Variants in ADAD1 observed in about 807,000 individuals in gnomAD.
ADAD1 encodes the protein adenosine deaminase domain containing 1.
ADAD1 carries 46 observed loss-of-function variants against 66.8 expected under a neutral mutation model. The observed-to-expected ratio is 0.69, with a 90% confidence interval of 0.54 to 0.88. ADAD1 has a LOEUF of 0.88. Among genes scored for constraint, ADAD1 ranks in the 40% least tolerant of loss-of-function variants. ADAD1 has a pLI of 0.00. For missense variants in ADAD1, 617 were observed against 681.8 expected (o/e 0.91, Z 1.06); for synonymous variants, 248 against 229.4 (o/e 1.08, Z -0.73).
intron 5 of ADAD1, among the ~76,000 whole-genome samples, chr4:122,384,974 G>T (rs923305524): frequency 6.6e-6 from 1 of 152,084 alleles, no homozygotes; most frequent in Non-Finnish European, 1.5e-5. Context: ...TCTGTCTTGG[G>T]CTAGAGCCTG....
chr4:122,390,961 T>G (rs1319179253), intron 5 of ADAD1, among the ~76,000 whole-genome samples: 2 of 152,234 alleles, frequency 1.3e-5, no homozygotes, highest in Non-Finnish European at 2.9e-5. Context: ...TTTTCAGTAT[T>G]TTTTCATTGA....
At position 122,397,768 on chromosome 4, in the gene ADAD1, T is replaced by G. The variant is rs183204263; in HGVS notation, c.724+1391T>G. 3.9e-5 allele frequency among the ~76,000 whole-genome samples: 6 copies of G among 152,266 alleles called. No homozygotes were observed. The East Asian group carries it at 1.2e-3, about 29-fold the overall frequency. On this transcript the variant is annotated intron_variant, in intron 7 of 12. Transcript: ENST00000296513. ...ATGAATAAAAAGTAATACCAACATT[T>G]AAAGTTGACGTAGGATAATCATGTT...
chr4:122,411,387 A>G lies in ADAD1; in HGVS notation c.1014A>G (p.Ser338=), dbSNP rs745819418. The G allele has an allele frequency of 2.5e-6, 4 of 1,610,648 alleles. No individual in the cohort carries two copies. In the South Asian group the frequency reaches 4.4e-5, roughly 18 times the overall value. The change falls in exon 9 of 13, where the codon TCA becomes TCG. Residue 338 remains serine (S), a synonymous_variant. Coordinates refer to ENST00000296513, the MANE Select transcript of ADAD1 (RefSeq NM_139243.4). ...CTAAAGGATCAGCCCAGATTAAGTC[A>G]CAGTTGTAAGTATTATAGAAGTTGT... ...QLPKGSAQIK[S]QLRLNPHSIS... is the part of the protein sequence containing the mutation.
chr4:122,428,662 G>C (rs914599959), intron 12 of ADAD1, among the ~76,000 whole-genome samples: 1 of 152,200 alleles, frequency 6.6e-6, no homozygotes, highest in African/African-American at 2.4e-5. Flanking sequence ...GATCCTTATT[G>C]TGTTAGTTAA....
chr4:122,391,436 C>G (rs113533087), intron 5 of ADAD1, among the ~76,000 whole-genome samples: 11 of 152,326 alleles, frequency 7.2e-5, no homozygotes, highest in African/African-American at 2.6e-4. Context: ...CTCTGCGTTG[C>G]CCAGATTCCT....
At position 122,429,676 on chromosome 4, in the gene ADAD1, A is replaced by G; in HGVS notation, c.1668A>G (p.Leu556=). The change falls in exon 13 of 13, where the codon TTA becomes TTG. Residue 556 remains leucine (L), a synonymous_variant. Coordinates refer to ENST00000296513, the MANE Select transcript of ADAD1 (RefSeq NM_139243.4). The part of the protein sequence containing the change: ...QEAKCKLKSY[L]QQHGYGSWIV... ...CTAAATGTAAGTTGAAATCCTACTTACAACAACATGGCTATGGATCCTGGA... is the reference window on the plus strand; with the variant it reads ...CTAAATGTAAGTTGAAATCCTACTTGCAACAACATGGCTATGGATCCTGGA... 1.2e-6 allele frequency: 2 copies of G among 1,613,670 alleles called. No individual in the cohort carries two copies. Among genetic ancestry groups the G allele is most frequent in the Non-Finnish European group, 1.7e-6 (2 of 1,179,722 alleles).
rs542531479 is a variant in ADAD1, at chr4:122,379,316, G to C, written c.-82-56G>C. 2.0e-5 allele frequency: 3 copies of C among 152,522 alleles called. No individual in the cohort carries two copies. The East Asian group carries it at 5.7e-4, about 29-fold the overall frequency. 9.4% of individuals were successfully genotyped at this position (152,522 alleles called of 1,614,324 possible). On this transcript the variant is annotated intron_variant, in intron 1 of 12. Coordinates refer to ENST00000296513, the MANE Select transcript of ADAD1 (RefSeq NM_139243.4). ...CAGTTGGACCCGGTCCTTGTGTTCG[G>C]AGAACAGAGTCACCCAGGCCTCGAA... is the stretch of plus-strand genomic sequence containing the variant.
chr4:122,425,745 A>G (rs1175319297), intron 12 of ADAD1, among the ~76,000 whole-genome samples: 2 of 152,076 alleles, frequency 1.3e-5, no homozygotes, highest in African/African-American at 4.8e-5. Context: ...CCTAGGTTAT[A>G]TGCAAATACC....
chr4:122,413,601 T>G (rs1796570638), intron 10 of ADAD1, among the ~76,000 whole-genome samples: 1 of 152,034 alleles, frequency 6.6e-6, no homozygotes, highest in African/African-American at 2.4e-5. Context: ...CCTTTTCATA[T>G]ACTGATTTGA....
At chr4:122,413,632 A>G (rs1796572497) in intron 10 of ADAD1, among the ~76,000 whole-genome samples, 1 of 152,114 alleles carries the variant, frequency 6.6e-6, no homozygotes, top group South Asian at 2.1e-4. Context: ...TGAAGTGTAG[A>G]GAATCCTTCC....
rs759681450 is a variant in ADAD1 at position 122,412,800 on chromosome 4, A to G, written c.1240A>G (p.Ile414Val). Residue 414 changes from isoleucine to valine, a missense_variant, in exon 10 of 13, where the codon ATA (isoleucine) becomes GTA (valine). Ile to Val is a conservative substitution (Grantham distance 29). Transcript: ENST00000296513. Reference sequence around the variant, plus strand: ...TATACAGCCAGTTTACATCAGCAGTATACTTATTGGTGAGTGGGATTTCAG... The same window carrying G: ...TATACAGCCAGTTTACATCAGCAGTGTACTTATTGGTGAGTGGGATTTCAG... ...HFIQPVYISS[I>V]LIGDGNCSDT... 4 of 1,613,562 alleles carry G rather than the reference A, an allele frequency of 2.5e-6. No homozygotes were observed. The South Asian group carries it at 3.3e-5, about 13-fold the overall frequency.
chr4:122,429,436 A>AG (rs1797415620), intron 12 of ADAD1, among the ~76,000 whole-genome samples, 190 bp from the exon 13 acceptor site: 1 of 152,130 alleles, frequency 6.6e-6, no homozygotes, highest in African/African-American at 2.4e-5. Context: ...AAAAAAAAAA[A>AG]AGGAGAATAA....
chr4:122,385,471 C>T (rs2150532465), intron 5 of ADAD1, among the ~76,000 whole-genome samples: 1 of 152,176 alleles, frequency 6.6e-6, no homozygotes, highest in Admixed American at 6.5e-5. Context: ...TGGGGTTTCA[C>T]CATGTTGGCC....
rs1553925583 is a variant in ADAD1, at chr4:122,422,977, AAAGAAG to A, written c.1617+1603_1617+1608del. ...TCTTTAAAAAAAAAAAAAAAAAAAA[AAAGAAG>A]AAGAAGAAGAAGAAGGAAAAACTGC... On this transcript the variant is annotated intron_variant, in intron 12 of 12. Transcript: ENST00000296513. 3.8e-3 allele frequency among the ~76,000 whole-genome samples: 563 copies of A among 149,198 alleles called. 1 individual carries two copies. The highest frequency in any genetic ancestry group is 6.6e-3 in the Non-Finnish European group (447 of 67,360).
chr4:122,392,266 A>G (rs1462179868), intron 5 of ADAD1, among the ~76,000 whole-genome samples: 1 of 152,248 alleles, frequency 6.6e-6, no homozygotes, highest in East Asian at 1.9e-4. Context: ...TCATCTCTGC[A>G]CTATTCACAA....
chr4:122,419,394 A>T (rs912383604), intron 11 of ADAD1, among the ~76,000 whole-genome samples: 4 of 152,180 alleles, frequency 2.6e-5, no homozygotes, highest in African/African-American at 9.7e-5. Flanking sequence ...GGAGAGTGGG[A>T]GGAGGGAGAC....
chr4:122,381,852 A>ATG (rs1491271202), intron 4 of ADAD1, among the ~76,000 whole-genome samples: 2 of 152,098 alleles, frequency 1.3e-5, no homozygotes, highest in South Asian at 2.1e-4. Context: ...GTATATGTAC[A>ATG]TGTGTGTGTG....
In ADAD1 at chr4:122,391,973, A is replaced by G. The variant is rs1795473413; in HGVS notation, c.530-1616A>G. Among the ~76,000 whole-genome samples, 5 of 152,234 alleles carry G rather than the reference A, an allele frequency of 3.3e-5. No homozygotes were observed. The South Asian group carries it at 8.3e-4, about 25-fold the overall frequency. On this transcript the variant is annotated intron_variant, in intron 5 of 12. Transcript: ENST00000296513. Reference sequence around the variant, plus strand: ...GATCTGCCCAACTCAGCCTCCCAAAATGCTGGGATTACAAGCATGAGCCAA... The same window carrying G: ...GATCTGCCCAACTCAGCCTCCCAAAGTGCTGGGATTACAAGCATGAGCCAA...
intron 11 of ADAD1, among the ~76,000 whole-genome samples, chr4:122,418,946 C>G (rs1383781221): frequency 1.3e-5 from 2 of 152,122 alleles, no homozygotes; most frequent in Non-Finnish European, 2.9e-5. Context: ...TAAATTAGTT[C>G]AACCGTTGTG....
Sources: allele counts gnomAD v4.1 joint callset (sites outside exome capture counted in the v4.1 genomes callset), GRCh38; gene constraint gnomAD v4.1.1; transcripts MANE v1.5; gene names NCBI Gene and HGNC (gene_info 2026-07-23, HGNC 2026-07-21).